GLI2: variants seen among roughly 807,000 people sequenced by gnomAD.
GLI2 encodes the protein transcription activator GLI2.
GLI2 carries 22 observed loss-of-function variants against 78.9 expected under a neutral mutation model. That is an observed-to-expected ratio of 0.28 (90% confidence interval 0.20 to 0.40). The LOEUF is 0.40. GLI2 is among the 10% of genes least tolerant of loss of function. The pLI, the probability that GLI2 is intolerant of heterozygous loss-of-function variation, is 1.00. For missense variants in GLI2, 2,097 were observed against 2,213.2 expected, an observed-to-expected ratio of 0.95 and a Z score of 1.05; for synonymous variants, 974 against 963.7, an observed-to-expected ratio of 1.01 and a Z score of -0.20.
At chr2:120,988,059 A>G (rs1163576196) in intron 13 of GLI2, 149 bp from the exon 14 acceptor site, 1 of 663,248 alleles carries the variant, frequency 1.5e-6, no homozygotes, top group Non-Finnish European at 2.4e-6. Context: ...CTCTAAAAAG[A>G]GAAAGAGAGA....
chr2:120,765,746 G>A (rs1402994529), intron 1 of GLI2, among the ~76,000 whole-genome samples: 1 of 152,246 alleles, frequency 6.6e-6, no homozygotes. Flanking sequence ...GCCTAGCAAA[G>A]CTCTTTCTCC....
At chr2:120,923,678 C>T (rs922333211) in intron 2 of GLI2, among the ~76,000 whole-genome samples, 4 of 152,130 alleles carry the variant, frequency 2.6e-5, no homozygotes, top group South Asian at 2.1e-4. Flanking sequence ...GCGCATATAG[C>T]GATACACATA....
intron 8 of GLI2, among the ~76,000 whole-genome samples, chr2:120,974,249 T>TGGAGTAG (rs1207245263): frequency 2.0e-5 from 3 of 152,146 alleles, no homozygotes; most frequent in Non-Finnish European, 4.4e-5. Context: ...AGCCTCTCCC[T>TGGAGTAG]GTGCCCCGAC....
At chr2:120,789,814 T>A (rs1684095690) in intron 1 of GLI2, among the ~76,000 whole-genome samples, 1 of 152,224 alleles carries the variant, frequency 6.6e-6, no homozygotes, top group African/African-American at 2.4e-5. Flanking sequence ...CACTGCCGTA[T>A]CTTAGCTGTG....
At chr2:120,916,559 T>C (rs1315476600) in intron 2 of GLI2, among the ~76,000 whole-genome samples, 1 of 152,254 alleles carries the variant, frequency 6.6e-6, no homozygotes, top group Admixed American at 6.5e-5. Context: ...AGGGTCAGGC[T>C]CTCCAGCTGT....
At chr2:120,807,750 G>C (rs1431202242) in intron 2 of GLI2, among the ~76,000 whole-genome samples, 1 of 152,170 alleles carries the variant, frequency 6.6e-6, no homozygotes, top group Non-Finnish European at 1.5e-5. Context: ...GCCGAGTCTA[G>C]TGGCCCCTCC....
At chr2:120,778,228 C>T (rs902332158) in intron 1 of GLI2, among the ~76,000 whole-genome samples, 1 of 152,154 alleles carries the variant, frequency 6.6e-6, no homozygotes. Flanking sequence ...TCCTCGCTCC[C>T]GATTCTCCTC....
intron 2 of GLI2, among the ~76,000 whole-genome samples, chr2:120,914,210 T>G (rs1678978307): frequency 6.6e-6 from 1 of 152,294 alleles, no homozygotes; most frequent in African/African-American, 2.4e-5. Flanking sequence ...GGGTCGCCAG[T>G]GTATACTGTC....
chr2:120,867,796 G>C (rs559153670), intron 2 of GLI2, among the ~76,000 whole-genome samples: 4 of 152,154 alleles, frequency 2.6e-5, no homozygotes, highest in Admixed American at 6.5e-5. Context: ...GCCTCAGGCG[G>C]GGGGAGCTGG....
intron 3 of GLI2, among the ~76,000 whole-genome samples, chr2:120,931,601 T>C (rs1344791446): frequency 6.6e-6 from 1 of 152,212 alleles, no homozygotes; most frequent in Middle Eastern, 3.2e-3. Flanking sequence ...CAGTAAATCA[T>C]ATTTATAATT....
intron 2 of GLI2, among the ~76,000 whole-genome samples, chr2:120,813,742 A>G (rs895292045): frequency 1.3e-5 from 2 of 152,048 alleles, no homozygotes; most frequent in Admixed American, 1.3e-4. Context: ...ACAAGTAGGG[A>G]AGATGGTGCC....
intron 2 of GLI2, among the ~76,000 whole-genome samples, chr2:120,914,477 C>T (rs60609056): frequency 6.6e-6 from 1 of 152,180 alleles, no homozygotes; most frequent in African/African-American, 2.4e-5. Context: ...TTTTAGAAAC[C>T]TTCTGTGACC....
At chr2:120,762,247 C>A (rs1458258688) in intron 1 of GLI2, among the ~76,000 whole-genome samples, 2 of 152,182 alleles carry the variant, frequency 1.3e-5, no homozygotes, top group Admixed American at 6.5e-5. Flanking sequence ...CTGGCCTTTG[C>A]AAGGGGTCAG....
chr2:120,889,061 T>A (rs1214265017), intron 2 of GLI2, among the ~76,000 whole-genome samples: 2 of 152,108 alleles, frequency 1.3e-5, no homozygotes, highest in Admixed American at 6.5e-5. Flanking sequence ...GGGTGATGGG[T>A]TGGGCGCTGC....
intron 2 of GLI2, among the ~76,000 whole-genome samples, chr2:120,884,047 G>A (rs1677282482): frequency 6.6e-6 from 1 of 152,208 alleles, no homozygotes; most frequent in African/African-American, 2.4e-5. Flanking sequence ...AGTTAGGGCA[G>A]CCCCAGCCCT....
chr2:120,974,784 GT>G, intron 8 of GLI2, 190 bp from the exon 9 acceptor site: 4 of 705,672 alleles, frequency 5.7e-6, no homozygotes, highest in Non-Finnish European at 7.5e-6. Context: ...TGATGAGTGT[GT>G]GTGTGTGTGT....
At chr2:120,829,390 G>T (rs1414111396) in intron 2 of GLI2, among the ~76,000 whole-genome samples, 1 of 152,194 alleles carries the variant, frequency 6.6e-6, no homozygotes, top group Non-Finnish European at 1.5e-5. Flanking sequence ...TAGCTCAAAG[G>T]CAGTGTCATG....
chr2:120,974,916 C>T, intron 8 of GLI2, 59 bp from the exon 9 acceptor site: 1 of 1,614,170 alleles, frequency 6.2e-7, no homozygotes, highest in Non-Finnish European at 8.5e-7. Context: ...ACAGCGACCT[C>T]TTTTCAGGGC....
intron 2 of GLI2, among the ~76,000 whole-genome samples, chr2:120,829,208 C>A (rs976458672): frequency 1.3e-5 from 2 of 152,220 alleles, no homozygotes; most frequent in Non-Finnish European, 2.9e-5. Context: ...CGCATGCACA[C>A]GCCTGCACTC....
Sources: gnomAD v4.1 joint callset for allele counts (sites outside exome capture counted in the v4.1 genomes callset) on GRCh38, gnomAD v4.1.1 for gene constraint, MANE v1.5 for transcripts, NCBI Gene and HGNC (gene_info 2026-07-23, HGNC 2026-07-21) for gene names.